Variants in GPR176 observed in about 807,000 individuals in gnomAD.
GPR176 encodes G-protein coupled receptor 176.
Under a neutral mutation model 35.4 loss-of-function variants are expected in GPR176, and 26 were observed. That is an observed-to-expected ratio of 0.74 (90% CI 0.54 to 1.02). The LOEUF is 1.02. Ranked by LOEUF, GPR176 falls within the 50% of genes least tolerant of loss-of-function variation. The pLI is 0.00. For missense variants in GPR176, 597 were observed against 665.3 expected, an observed-to-expected ratio of 0.90 and a Z score of 1.13; for synonymous variants, 278 against 271.3, an observed-to-expected ratio of 1.02 and a Z score of -0.24.
intron 1 of GPR176, among the ~76,000 whole-genome samples, chr15:39,889,628 A>C (rs1253564750): frequency 6.7e-6 from 1 of 149,732 alleles, no homozygotes; most frequent in Non-Finnish European, 1.5e-5. Flanking sequence ...CAAAACATTA[A>C]AGTGTTATGG....
intron 1 of GPR176, among the ~76,000 whole-genome samples, chr15:39,890,218 G>A (rs2032822169): frequency 6.6e-6 from 1 of 152,112 alleles, no homozygotes; most frequent in South Asian, 2.1e-4. Context: ...GACTTACAAT[G>A]TCTCTTTTCT....
chr15:39,904,010 T>C (rs1373023626), intron 1 of GPR176, among the ~76,000 whole-genome samples: 1 of 152,218 alleles, frequency 6.6e-6, no homozygotes, highest in Non-Finnish European at 1.5e-5. Flanking sequence ...GGGTGGGTTA[T>C]TCATGCCTTC....
At chr15:39,859,801 G>T (rs77344295) in intron 1 of GPR176, among the ~76,000 whole-genome samples, 1 of 152,098 alleles carries the variant, frequency 6.6e-6, no homozygotes, top group Non-Finnish European at 1.5e-5. Context: ...GGTTAACGGC[G>T]GCTGGGGTGA....
intron 1 of GPR176, among the ~76,000 whole-genome samples, chr15:39,869,248 G>A (rs766046615): frequency 6.6e-6 from 1 of 151,630 alleles, no homozygotes; most frequent in Non-Finnish European, 1.5e-5. Flanking sequence ...TCTATCATGG[G>A]TATTTTGGAA....
intron 1 of GPR176, among the ~76,000 whole-genome samples, chr15:39,852,923 G>C (rs2030970044): frequency 1.3e-5 from 2 of 152,182 alleles, no homozygotes; most frequent in Admixed American, 1.3e-4. Context: ...AAAATAACAA[G>C]GTGAGGATGT....
chr15:39,857,506 TAA>T (rs1413574651), intron 1 of GPR176, among the ~76,000 whole-genome samples: 3 of 150,914 alleles, frequency 2.0e-5, no homozygotes, highest in African/African-American at 7.3e-5. Context: ...CCCATCTCTA[TAA>T]AAAATACATA....
At chr15:39,813,303 C>A (rs527587625) in intron 1 of GPR176, 1 of 152,304 alleles carries the variant, frequency 6.6e-6, no homozygotes, top group East Asian at 1.9e-4. Context: ...CACATTCTTT[C>A]CACCTAAGGA....
intron 1 of GPR176, among the ~76,000 whole-genome samples, chr15:39,897,599 ATTTTTTTTT>A (rs386382791): frequency 2.3e-4 from 20 of 88,526 alleles, no homozygotes; most frequent in Middle Eastern, 0.01. Flanking sequence ...ACATCCAAAT[ATTTTTTTTT>A]TTTTTTTTTT....
chr15:39,904,189 G>A (rs538141521), intron 1 of GPR176, among the ~76,000 whole-genome samples: 6 of 152,198 alleles, frequency 3.9e-5, no homozygotes, highest in African/African-American at 1.4e-4. Flanking sequence ...TTATCAGCAA[G>A]GTCTTTATGA....
intron 1 of GPR176, among the ~76,000 whole-genome samples, chr15:39,884,847 A>C (rs997193713): frequency 6.6e-6 from 1 of 152,170 alleles, no homozygotes; most frequent in Non-Finnish European, 1.5e-5. Context: ...CACTCTGCAC[A>C]AGAGTCTGGA....
At position 39,817,068 on chromosome 15, in the gene GPR176, C is replaced by CAAAAAAAAAAAAAAAA. The variant is rs58812005; in HGVS notation, c.173-9811_173-9810insTTTTTTTTTTTTTTTT. On this transcript the variant is annotated intron_variant, in intron 1 of 2. Transcript: ENST00000561100. The stretch of plus-strand genomic sequence containing the variant: ...TTGGTAACAGAGCAGGATTCTGTCT[C>CAAAAAAAAAAAAAAAA]AAAAAAAAAAAAAAAGCTTTGAAAA... Among the ~76,000 whole-genome samples the CAAAAAAAAAAAAAAAA allele has an allele frequency of 6.4e-4, 49 of 77,160 alleles. 1 individual carries two copies. The highest frequency in any genetic ancestry group is 1.2e-3 in the East Asian group (3 of 2,524). 50.6% of individuals were successfully genotyped at this position (77,160 alleles called of 152,430 possible). A position where few individuals can be genotyped will look rare whatever the true frequency, so the allele number is the denominator to read the frequency against.
intron 1 of GPR176, chr15:39,807,709 G>A (rs1230844687): frequency 3.2e-6 from 2 of 629,660 alleles, no homozygotes; most frequent in Non-Finnish European, 5.8e-6. Flanking sequence ...AGAAGCAGGT[G>A]AGATTTTAAT....
At chr15:39,833,135 C>T (rs1901197180) in intron 1 of GPR176, among the ~76,000 whole-genome samples, 1 of 152,010 alleles carries the variant, frequency 6.6e-6, no homozygotes, top group Admixed American at 6.6e-5. Context: ...ACACATACGG[C>T]AATTCCACTC....
chr15:39,860,029 C>T (rs2031494291), intron 1 of GPR176, among the ~76,000 whole-genome samples: 1 of 150,706 alleles, frequency 6.6e-6, no homozygotes, highest in South Asian at 2.1e-4. Flanking sequence ...CTTCAAATTA[C>T]AGAAATTATT....
At chr15:39,806,605 G>C (rs957545246) in intron 2 of GPR176, among the ~76,000 whole-genome samples, 1 of 152,172 alleles carries the variant, frequency 6.6e-6, no homozygotes, top group Non-Finnish European at 1.5e-5. Flanking sequence ...AATAACCACT[G>C]AATCATTCCC....
At chr15:39,843,044 T>TAA (rs78166817) in intron 1 of GPR176, among the ~76,000 whole-genome samples, 1 of 144,116 alleles carries the variant, frequency 6.9e-6, no homozygotes. Context: ...TTCACACTAT[T>TAA]AAAAAAAAAA....
At chr15:39,865,887 A>C (rs527886901) in intron 1 of GPR176, among the ~76,000 whole-genome samples, 55 of 152,330 alleles carry the variant, frequency 3.6e-4, no homozygotes, top group Non-Finnish European at 6.8e-4. Flanking sequence ...AAAATAAAAC[A>C]ATATATGAAA....
chr15:39,917,299 T>A (rs1306077479), intron 1 of GPR176, among the ~76,000 whole-genome samples: 1 of 146,958 alleles, frequency 6.8e-6, no homozygotes, highest in East Asian at 2.0e-4. Context: ...AAAAAAAAAA[T>A]AAAAATAAGT....
intron 1 of GPR176, among the ~76,000 whole-genome samples, chr15:39,869,335 T>G (rs1048801046): frequency 6.6e-6 from 1 of 152,194 alleles, no homozygotes; most frequent in African/African-American, 2.4e-5. Context: ...AGGCAGAGAT[T>G]CTTGGATCTG....
Sources: allele counts gnomAD v4.1 joint callset (sites outside exome capture counted in the v4.1 genomes callset), GRCh38; gene constraint gnomAD v4.1.1; transcripts MANE v1.5; gene names NCBI Gene and HGNC (gene_info 2026-07-23, HGNC 2026-07-21).